OR1J2: variants seen among roughly 807,000 people sequenced by gnomAD.
The protein encoded by OR1J2 is olfactory receptor family 1 subfamily J member 2.
For missense variants in OR1J2, 304 were observed against 246.1 expected, an observed-to-expected ratio of 1.24 and a Z score of -1.57; for synonymous variants, 142 against 99.7, an observed-to-expected ratio of 1.42 and a Z score of -2.52.
the OR1J2 span, chr9:122,527,109 G>T: frequency 6.2e-7 from 1 of 1,614,210 alleles, no homozygotes; most frequent in South Asian, 1.1e-5. Context: ...AGACAGGTTG[G>T]CCAAGAAAAA....
chr9:122,537,941 GT>G, the OR1J2 span, among the ~76,000 whole-genome samples: 1 of 152,164 alleles, frequency 6.6e-6, no homozygotes. Flanking sequence ...TTTGCATAAG[GT>G]GCGAATTTCT....
At chr9:122,456,508 G>A in the OR1J2 span, among the ~76,000 whole-genome samples, 1 of 151,872 alleles carries the variant, frequency 6.6e-6, no homozygotes, top group Middle Eastern at 3.2e-3. Flanking sequence ...TTGGATCCAG[G>A]AAGCTAGGAG....
the OR1J2 span, among the ~76,000 whole-genome samples, chr9:122,578,932 C>A: frequency 1.3e-5 from 2 of 151,476 alleles, no homozygotes; most frequent in African/African-American, 4.9e-5. Context: ...ACCTGTTCCC[C>A]AAAAACCTAA....
At chr9:122,495,619 G>T in the OR1J2 span, among the ~76,000 whole-genome samples, 1 of 151,610 alleles carries the variant, frequency 6.6e-6, no homozygotes, top group Non-Finnish European at 1.5e-5. Context: ...TCTTTAAGTT[G>T]CACTTCACCT....
chr9:122,535,316 G>C, the OR1J2 span, among the ~76,000 whole-genome samples: 5 of 152,092 alleles, frequency 3.3e-5, no homozygotes, highest in African/African-American at 1.2e-4. Flanking sequence ...AAGGACCAAG[G>C]CCGGCGTCCC....
chr9:122,532,470 G>C, the OR1J2 span, among the ~76,000 whole-genome samples: 1 of 151,844 alleles, frequency 6.6e-6, no homozygotes, highest in Admixed American at 6.6e-5. Context: ...GGATCAGAGA[G>C]ATGCAGTCAT....
chr9:122,480,832 G>A, the OR1J2 span, among the ~76,000 whole-genome samples: 5 of 151,744 alleles, frequency 3.3e-5, no homozygotes, highest in South Asian at 8.3e-4. Context: ...GTCTTGCTCT[G>A]TCACCAGGCT....
the OR1J2 span, among the ~76,000 whole-genome samples, chr9:122,486,139 T>G: frequency 6.6e-6 from 1 of 152,020 alleles, no homozygotes; most frequent in Non-Finnish European, 1.5e-5. Context: ...TTTTGTATTT[T>G]TAGTTGAGAG....
At chr9:122,525,036 G>A in the OR1J2 span, among the ~76,000 whole-genome samples, 1 of 152,222 alleles carries the variant, frequency 6.6e-6, no homozygotes, top group Non-Finnish European at 1.5e-5. Flanking sequence ...AGAATGGAAG[G>A]AGAGTTGTAG....
the OR1J2 span, among the ~76,000 whole-genome samples, chr9:122,518,737 A>G: frequency 1.3e-5 from 2 of 152,220 alleles, no homozygotes; most frequent in African/African-American, 4.8e-5. Flanking sequence ...GTTGCTTACT[A>G]ATAGATTTTG....
chr9:122,493,081 TG>T, the OR1J2 span, among the ~76,000 whole-genome samples: 8 of 152,162 alleles, frequency 5.3e-5, no homozygotes, highest in African/African-American at 1.4e-4. Context: ...ATTATCCTTT[TG>T]TTATGCTCTT....
chr9:122,449,287 T>C, the OR1J2 span, among the ~76,000 whole-genome samples: 2 of 152,212 alleles, frequency 1.3e-5, no homozygotes, highest in African/African-American at 4.8e-5. Context: ...CTATCTCAGC[T>C]TGGGCATTGC....
the OR1J2 span, among the ~76,000 whole-genome samples, chr9:122,459,212 A>G: frequency 1.3e-5 from 2 of 152,178 alleles, no homozygotes; most frequent in Non-Finnish European, 2.9e-5. Flanking sequence ...ACTTAGATTG[A>G]TTCCATATTT....
the OR1J2 span, among the ~76,000 whole-genome samples, chr9:122,468,772 T>A: frequency 6.6e-6 from 1 of 152,210 alleles, no homozygotes; most frequent in African/African-American, 2.4e-5. Context: ...GGAAGCCGTT[T>A]TACACACTCA....
At chr9:122,468,353 A>C in the OR1J2 span, among the ~76,000 whole-genome samples, 1 of 152,216 alleles carries the variant, frequency 6.6e-6, no homozygotes, top group African/African-American at 2.4e-5. Context: ...TCTTGGACTC[A>C]CTGGCTACTT....
At chr9:122,539,988 T>A in the OR1J2 span, among the ~76,000 whole-genome samples, 1 of 152,196 alleles carries the variant, frequency 6.6e-6, no homozygotes, top group South Asian at 2.1e-4. Context: ...TAAATTTGTT[T>A]GAGTTCATTG....
chr9:122,492,708 CTT>C, the OR1J2 span, among the ~76,000 whole-genome samples: 1 of 152,038 alleles, frequency 6.6e-6, no homozygotes, highest in Non-Finnish European at 1.5e-5. Context: ...ATTTGTTTCT[CTT>C]GTCTGATTGC....
the OR1J2 span, chr9:122,554,031 G>T: frequency 2.5e-6 from 4 of 1,613,878 alleles, no homozygotes; most frequent in Non-Finnish European, 3.4e-6. Flanking sequence ...TACAGAGAGG[G>T]AAAGTAGGGC....
chr9:122,579,087 A>C, the OR1J2 span, among the ~76,000 whole-genome samples: 1 of 152,182 alleles, frequency 6.6e-6, no homozygotes, highest in Non-Finnish European at 1.5e-5. Context: ...AATACTGCCA[A>C]GAATATATGT....
Sources: allele counts gnomAD v4.1 joint callset (sites outside exome capture counted in the v4.1 genomes callset), GRCh38; gene constraint gnomAD v4.1.1; transcripts MANE v1.5; gene names NCBI Gene and HGNC (gene_info 2026-07-23, HGNC 2026-07-21).